The following LIPI variants were observed in gnomAD, a reference collection of about 807,000 sequenced individuals.
The protein encoded by LIPI is lipase member I.
In LIPI, 59 loss-of-function variants were observed where a neutral mutation model predicts 50.6. The ratio of observed to expected loss-of-function variants is 1.16; its 90% CI spans 0.94 to 1.45. The LOEUF is 1.45. Ranked by LOEUF, LIPI falls within the 40% of genes most tolerant of loss-of-function variation. The pLI, the probability that LIPI is intolerant of heterozygous loss-of-function variation, is 0.00. For synonymous variants in LIPI, 203 were observed against 178.2 expected, an observed-to-expected ratio of 1.14 and a Z score of -1.11; for missense variants, 586 against 536.3, an observed-to-expected ratio of 1.09 and a Z score of -0.92.
At chr21:14,204,265 A>T (rs1485254864) in intron 1 of LIPI, among the ~76,000 whole-genome samples, 1 of 151,564 alleles carries the variant, frequency 6.6e-6, no homozygotes, top group Non-Finnish European at 1.5e-5. Context: ...CTAGGTTCCT[A>T]TGATTTGCAA....
intron 9 of LIPI, among the ~76,000 whole-genome samples, chr21:14,128,024 A>C (rs1397279844): frequency 6.6e-6 from 1 of 151,908 alleles, no homozygotes; most frequent in Non-Finnish European, 1.5e-5. Context: ...AATGCTTACA[A>C]CCCAGTTCAT....
intron 9 of LIPI, among the ~76,000 whole-genome samples, chr21:14,122,887 C>T (rs2016916764): frequency 6.6e-6 from 1 of 152,202 alleles, no homozygotes; most frequent in Admixed American, 6.5e-5. Flanking sequence ...AGTCCAATGT[C>T]ACAGTTCAGA....
At chr21:14,174,121 C>A (rs1206913349) in intron 4 of LIPI, among the ~76,000 whole-genome samples, 1 of 152,118 alleles carries the variant, frequency 6.6e-6, no homozygotes, top group African/African-American at 2.4e-5. Flanking sequence ...TCCAACCTGC[C>A]ACTGAAGGAG....
At chr21:14,163,628 G>T in intron 6 of LIPI, 105 bp from the exon 7 acceptor site, 2 of 679,520 alleles carry the variant, frequency 2.9e-6, no homozygotes, top group South Asian at 1.6e-5. Flanking sequence ...TCATCATAAT[G>T]ATCATCATGG....
At chr21:14,191,705 A>T (rs554064055) in intron 1 of LIPI, among the ~76,000 whole-genome samples, 42 of 152,264 alleles carry the variant, frequency 2.8e-4, no homozygotes, top group Admixed American at 8.5e-4. Flanking sequence ...TTACATCATA[A>T]GTGGGGTGAC....
Position 14,161,195 on chromosome 21 carries a change from G to A in LIPI, c.1006+2224C>T, listed in dbSNP as rs538028155. On this transcript the variant is annotated intron_variant, in intron 7 of 9. Transcript: ENST00000681601. ...TATTCAAGCAGCTTTATTTGTCATAGCCAAAACCTTAAAACATCCCAGATG... is the reference window on the plus strand; with the variant it reads ...TATTCAAGCAGCTTTATTTGTCATAACCAAAACCTTAAAACATCCCAGATG... 5.3e-5 allele frequency among the ~76,000 whole-genome samples: 8 copies of A among 150,852 alleles called. No homozygotes were observed. In the East Asian group the frequency reaches 1.5e-3, roughly 29 times the overall value.
At chr21:14,115,755 T>C (rs913908062) in intron 9 of LIPI, among the ~76,000 whole-genome samples, 1 of 152,066 alleles carries the variant, frequency 6.6e-6, no homozygotes, top group African/African-American at 2.4e-5. Context: ...GGCAGACTAC[T>C]GAACCAAGGT....
At chr21:14,190,767 A>C (rs1316457516) in intron 1 of LIPI, among the ~76,000 whole-genome samples, 2 of 152,222 alleles carry the variant, frequency 1.3e-5, no homozygotes, top group African/African-American at 2.4e-5. Flanking sequence ...ATATGAATGC[A>C]TGCTACACCG....
intron 9 of LIPI, among the ~76,000 whole-genome samples, chr21:14,137,099 G>C (rs2155962): frequency 0.027 from 4,144 of 152,160 alleles, 179 homozygotes; most frequent in African/African-American, 0.091. Context: ...CTGGAGTGCT[G>C]TCCTAAGAAG....
intron 4 of LIPI, among the ~76,000 whole-genome samples, chr21:14,180,463 C>G (rs1266733226): frequency 6.6e-6 from 1 of 152,176 alleles, no homozygotes; most frequent in Non-Finnish European, 1.5e-5. Flanking sequence ...TCTCTTTGTA[C>G]TGTCTCTCTT....
intron 1 of LIPI, among the ~76,000 whole-genome samples, chr21:14,207,555 T>TA (rs964991647): frequency 2.0e-5 from 3 of 152,164 alleles, no homozygotes; most frequent in Non-Finnish European, 4.4e-5. Flanking sequence ...AACAAGTCTT[T>TA]ATACCAGGAA....
At chr21:14,111,690 T>G (rs12627315) in intron 9 of LIPI, among the ~76,000 whole-genome samples, 1 of 151,826 alleles carries the variant, frequency 6.6e-6, no homozygotes, top group Admixed American at 6.6e-5. Flanking sequence ...AAGATGTTCC[T>G]TATATTTTCT....
At chr21:14,159,146 A>G (rs746088729) in intron 7 of LIPI, among the ~76,000 whole-genome samples, 6 of 151,632 alleles carry the variant, frequency 4.0e-5, no homozygotes, top group East Asian at 1.9e-4. Flanking sequence ...ACGTTGTATT[A>G]TTATAGTAGT....
intron 6 of LIPI, among the ~76,000 whole-genome samples, chr21:14,164,999 A>G (rs1410569858): frequency 6.6e-6 from 1 of 152,212 alleles, no homozygotes; most frequent in Non-Finnish European, 1.5e-5. Flanking sequence ...TACACTGAAC[A>G]TAAAAAGGCA....
At chr21:14,134,214 G>A (rs2017406367) in intron 9 of LIPI, among the ~76,000 whole-genome samples, 1 of 152,114 alleles carries the variant, frequency 6.6e-6, no homozygotes, top group Non-Finnish European at 1.5e-5. Flanking sequence ...CTGGATGATA[G>A]AATGAGATTC....
intron 5 of LIPI, among the ~76,000 whole-genome samples, chr21:14,165,879 T>C (rs1045762775): frequency 6.6e-6 from 1 of 152,226 alleles, no homozygotes; most frequent in Non-Finnish European, 1.5e-5. Flanking sequence ...CCAGTTGCCG[T>C]TGTGGACCTA....
chr21:14,174,868 C>T (rs1188494413), intron 4 of LIPI, among the ~76,000 whole-genome samples: 1 of 152,150 alleles, frequency 6.6e-6, no homozygotes, highest in Admixed American at 6.6e-5. Flanking sequence ...CATTCTTTAT[C>T]TTCTAAGGAT....
chr21:14,174,619 TCTCC>T, intron 4 of LIPI, among the ~76,000 whole-genome samples: 1 of 152,220 alleles, frequency 6.6e-6, no homozygotes, highest in Admixed American at 6.5e-5. Context: ...AATGGCATGA[TCTCC>T]GCTCACTGTG....
At chr21:14,205,517 T>G (rs565705798) in intron 1 of LIPI, among the ~76,000 whole-genome samples, 1 of 152,014 alleles carries the variant, frequency 6.6e-6, no homozygotes, top group African/African-American at 2.4e-5. Flanking sequence ...TATAATACAC[T>G]GTAAACACAT....
Sources: allele counts gnomAD v4.1 joint callset (sites outside exome capture counted in the v4.1 genomes callset), GRCh38; gene constraint gnomAD v4.1.1; transcripts MANE v1.5; gene names NCBI Gene and HGNC (gene_info 2026-07-23, HGNC 2026-07-21).